The following ABCC1 variants were observed in gnomAD, a reference collection of about 807,000 sequenced individuals.
ABCC1 encodes ATP binding cassette subfamily C member 1 (ABCC1 blood group).
Under a neutral mutation model 172.9 loss-of-function variants are expected in ABCC1, and 83 were observed. That is an observed-to-expected ratio of 0.48 (90% CI 0.40 to 0.58). The LOEUF (loss-of-function observed/expected upper bound fraction) is 0.58, where lower values mean the gene tolerates loss of function less well. Among genes scored for constraint, ABCC1 ranks in the 20% least tolerant of loss-of-function variants. The pLI, the probability that ABCC1 is intolerant of heterozygous loss-of-function variation, is 0.00. For synonymous variants in ABCC1, 937 were observed against 825.2 expected (o/e 1.14, Z -2.32); for missense variants, 1,817 against 2,002.7 (o/e 0.91, Z 1.77).
At chr16:16,097,273 C>T (rs889822366) in intron 19 of ABCC1, among the ~76,000 whole-genome samples, 1 of 152,138 alleles carries the variant, frequency 6.6e-6, no homozygotes, top group Non-Finnish European at 1.5e-5. Flanking sequence ...CCACCACGCC[C>T]GGCTAATTTT....
chr16:16,002,530 T>C (rs1362961503), intron 1 of ABCC1, among the ~76,000 whole-genome samples: 4 of 152,188 alleles, frequency 2.6e-5, no homozygotes, highest in African/African-American at 9.7e-5. Flanking sequence ...CCCAGCACTT[T>C]GGGTGGCCAA....
intron 12 of ABCC1, among the ~76,000 whole-genome samples, chr16:16,064,750 C>T (rs146774532): frequency 6.6e-6 from 1 of 152,232 alleles, no homozygotes; most frequent in Non-Finnish European, 1.5e-5. Context: ...AGCAGACATT[C>T]ACTGAGCACC....
intron 19 of ABCC1, among the ~76,000 whole-genome samples, chr16:16,096,079 C>T (rs943125103): frequency 5.9e-5 from 9 of 152,028 alleles, no homozygotes; most frequent in Admixed American, 2.0e-4. Context: ...CCAGCCTCGC[C>T]AACATGGTGA....
At chr16:16,037,050 T>C (rs996131452) in intron 7 of ABCC1, among the ~76,000 whole-genome samples, 2 of 151,374 alleles carry the variant, frequency 1.3e-5, no homozygotes, top group Non-Finnish European at 2.9e-5. Flanking sequence ...TGCAGTGAGC[T>C]GAGATTGTGC....
intron 1 of ABCC1, among the ~76,000 whole-genome samples, chr16:15,998,947 C>G (rs1241768349): frequency 6.6e-6 from 1 of 152,138 alleles, no homozygotes; most frequent in Non-Finnish European, 1.5e-5. Context: ...ATTGAATCCT[C>G]TCCAGAACTC....
intron 11 of ABCC1, among the ~76,000 whole-genome samples, chr16:16,053,774 C>CAAAAAAAAAA (rs10526186): frequency 2.5e-4 from 9 of 36,218 alleles, no homozygotes; most frequent in East Asian, 4.5e-4. Context: ...GACCCTGTCT[C>CAAAAAAAAAA]AAAAAAAAAA....
At chr16:16,064,497 A>T (rs1339865975) in intron 12 of ABCC1, among the ~76,000 whole-genome samples, 1 of 152,106 alleles carries the variant, frequency 6.6e-6, no homozygotes, top group Non-Finnish European at 1.5e-5. Context: ...AGGACCATGG[A>T]CCTGAAAGGG....
At chr16:15,979,609 T>C (rs2046575021) in intron 1 of ABCC1, among the ~76,000 whole-genome samples, 1 of 152,110 alleles carries the variant, frequency 6.6e-6, no homozygotes. Context: ...TGTGCATGTC[T>C]CCTGTCTCCA....
intron 6 of ABCC1, among the ~76,000 whole-genome samples, chr16:16,035,492 A>ATTTTTTTTTTTTTTTTT (rs55727520): frequency 2.2e-5 from 3 of 138,940 alleles, no homozygotes; most frequent in Non-Finnish European, 3.2e-5. Flanking sequence ...CCTTCAGCCT[A>ATTTTTTTTTTTTTTTTT]TTTTTTTTTT....
chr16:16,105,714 CTTTTTTTTTTT>C (rs71137912), intron 20 of ABCC1, among the ~76,000 whole-genome samples: 1 of 130,396 alleles, frequency 7.7e-6, no homozygotes, highest in Non-Finnish European at 1.6e-5. Flanking sequence ...CTTTTCTTTT[CTTTTTTTTTTT>C]TTTTTGACAT....
chr16:15,979,559 C>T (rs2046573874), intron 1 of ABCC1, among the ~76,000 whole-genome samples: 1 of 152,036 alleles, frequency 6.6e-6, no homozygotes, highest in African/African-American at 2.4e-5. Context: ...CCATATGATG[C>T]ACCTATAAAG....
At chr16:16,036,430 C>CA (rs766632496) in intron 6 of ABCC1, 42 bp from the exon 7 acceptor site, 2 of 1,586,100 alleles carry the variant, frequency 1.3e-6, no homozygotes, top group Non-Finnish European at 1.7e-6. Flanking sequence ...CTCCTCCTGT[C>CA]ATTGACTCTC....
At chr16:16,110,646 A>G (rs921356246) in intron 21 of ABCC1, among the ~76,000 whole-genome samples, 7 of 151,622 alleles carry the variant, frequency 4.6e-5, no homozygotes, top group African/African-American at 1.7e-4. Flanking sequence ...GCCTCGGCCT[A>G]CCGACGTGCT....
At chr16:16,070,522 A>G (rs1423469309) in intron 13 of ABCC1, among the ~76,000 whole-genome samples, 1 of 152,008 alleles carries the variant, frequency 6.6e-6, no homozygotes, top group Non-Finnish European at 1.5e-5. Flanking sequence ...AAAATTAGCC[A>G]GGTGTGGTGG....
At chr16:15,986,732 G>T (rs182648761) in intron 1 of ABCC1, among the ~76,000 whole-genome samples, 1 of 152,290 alleles carries the variant, frequency 6.6e-6, no homozygotes, top group East Asian at 1.9e-4. Flanking sequence ...GCCATGAAAG[G>T]TAAGAGACTC....
At chr16:15,996,445 G>C (rs2047059697) in intron 1 of ABCC1, among the ~76,000 whole-genome samples, 1 of 152,158 alleles carries the variant, frequency 6.6e-6, no homozygotes, top group African/African-American at 2.4e-5. Context: ...TATTGAGATG[G>C]TTGAATTGGG....
At chr16:16,066,424 G>A (rs1332103536) in intron 12 of ABCC1, among the ~76,000 whole-genome samples, 5 of 151,288 alleles carry the variant, frequency 3.3e-5, no homozygotes, top group Admixed American at 2.6e-4. Flanking sequence ...CAAGTGATCC[G>A]CCCGCCTCAG....
intron 1 of ABCC1, among the ~76,000 whole-genome samples, chr16:15,953,167 C>A (rs901142053): frequency 6.6e-6 from 1 of 151,954 alleles, no homozygotes; most frequent in Non-Finnish European, 1.5e-5. Context: ...AAAACCCCAT[C>A]CCTACTAAAA....
At chr16:16,080,880 T>TTTTC (rs386384355) in intron 16 of ABCC1, among the ~76,000 whole-genome samples, 1 of 4,436 alleles carries the variant, frequency 2.3e-4, no homozygotes, top group Non-Finnish European at 5.9e-4. Flanking sequence ...TTGTTGTGGG[T>TTTTC]TTTGAGACAG....
Sources: allele counts gnomAD v4.1 joint callset (sites outside exome capture counted in the v4.1 genomes callset), GRCh38; gene constraint gnomAD v4.1.1; transcripts MANE v1.5; gene names NCBI Gene and HGNC (gene_info 2026-07-23, HGNC 2026-07-21).